Variants in FNDC5 observed in about 807,000 individuals in gnomAD.
FNDC5 encodes the protein fibronectin type III domain containing 5.
A neutral mutation model predicts 24.6 loss-of-function variants in FNDC5; 10 were observed. The observed-to-expected ratio is 0.41, with a 90% CI of 0.25 to 0.69. The LOEUF (loss-of-function observed/expected upper bound fraction) is 0.69, where lower values mean the gene tolerates loss of function less well. Ranked by LOEUF, FNDC5 falls within the 30% of genes least tolerant of loss-of-function variation. FNDC5 has a pLI of 0.34. For synonymous variants in FNDC5, 90 were observed against 110.7 expected, an observed-to-expected ratio of 0.81 and a Z score of 1.18; for missense variants, 226 against 282.9, an observed-to-expected ratio of 0.80 and a Z score of 1.44.
rs924993795 is a variant in FNDC5 at position 32,863,942 on chromosome 1, C to G, written c.*352G>C. On this transcript the variant is annotated 3_prime_UTR_variant, in exon 6 of 6. Transcript: ENST00000373471. ...GAAAAGAGAAGCCCTGCCTGGATGT[C>G]TTGTCTTTTTGCCTTTTCAAACCCA... 9.4e-6 allele frequency: 12 copies of G among 1,276,280 alleles called. No homozygotes were observed. Among genetic ancestry groups the G allele is most frequent in the Non-Finnish European group, 1.2e-5 (12 of 991,736 alleles). 79.1% of individuals were successfully genotyped at this position (1,276,280 alleles called of 1,614,324 possible).
chr1:32,868,178 A>G lies in FNDC5; in HGVS notation c.409+12T>C. On this transcript the variant is annotated intron_variant, in intron 3 of 5. Coordinates refer to ENST00000373471, the MANE Select transcript of FNDC5 (RefSeq NM_153756.3). The surrounding 1 kb of genome is among the most constrained non-coding windows in gnomAD (Gnocchi z 4.8). ...CCCCACCCCATTCCTCTTAACAGTG[A>G]CCCGGGCCTGCCTTTGTTCTTGGAG... 6.2e-7 allele frequency: 1 copy of G among 1,613,340 alleles called. No individual in the cohort carries two copies. Among genetic ancestry groups the G allele is most frequent in the African/African-American group, 1.3e-5 (1 of 74,930 alleles).
At position 32,864,285 on chromosome 1, in the gene FNDC5, A is replaced by G. The variant is rs765051347; in HGVS notation, c.*9T>C. 2.5e-6 allele frequency: 4 copies of G among 1,614,042 alleles called. No homozygotes were observed. The highest frequency in any genetic ancestry group is 1.7e-5 in the Admixed American group (1 of 59,990). ...TCTTAGCTGCTGAGGGCAAGCACTG[A>G]AAAGGTTTTCATATCTGTTTTACAG... On this transcript the variant is annotated 3_prime_UTR_variant, in exon 6 of 6. Transcript: ENST00000373471.
At chr1:32,864,571 A>G (rs761061713) in intron 5 of FNDC5, 93 bp downstream of exon 5, 1 of 1,588,112 alleles carries the variant, frequency 6.3e-7, no homozygotes, top group Non-Finnish European at 8.6e-7. Context: ...AGCTGTCGCC[A>G]TGCCAGTCCC....
intron 5 of FNDC5, 73 bp downstream of exon 5, chr1:32,864,591 C>CA (rs1641034007): frequency 6.2e-7 from 1 of 1,604,882 alleles, no homozygotes; most frequent in African/African-American, 1.3e-5. Flanking sequence ...CCGAGCTGAC[C>CA]CCCTCTGCAG....
rs1168031346 is a variant in FNDC5 at position 32,870,668 on chromosome 1, C to T, written c.79G>A (p.Ala27Thr). Residue 27 changes from alanine (A) to threonine (T), a missense_variant, in exon 1 of 6, where the codon GCG becomes ACG. Physicochemically the swap from Ala to Thr is moderately conservative, Grantham distance 58. Coordinates refer to ENST00000373471, the MANE Select transcript of FNDC5 (RefSeq NM_153756.3). ...GCCCCCTTACCCGCCTGCACCAGCG[C>T]GAAGCAGACGCAGCCCAGCCACAGG... 1 of 1,207,518 alleles carries T rather than the reference C, an allele frequency of 8.3e-7. No individual in the cohort carries two copies. Among genetic ancestry groups the T allele is most frequent in the Non-Finnish European group, 1.0e-6 (1 of 972,200 alleles). The allele number at this position is 1,207,518 out of a possible 1,614,324, so 74.8% of individuals were successfully genotyped here.
chr1:32,864,019 C>A lies in FNDC5; in HGVS notation c.*275G>T, dbSNP rs1389400496. 7.3e-7 allele frequency: 1 copy of A among 1,376,530 alleles called. No individual in the cohort carries two copies. The allele number at this position is 1,376,530 out of a possible 1,614,324, so 85.3% of individuals were successfully genotyped here. ...CCAAGACTGGGTCCTGGGCCCATGG[C>A]CCCTGGCACCCAGTCTACCCCCAGC... On this transcript the variant is annotated 3_prime_UTR_variant, in exon 6 of 6. Transcript: ENST00000373471.
Position 32,863,849 on chromosome 1 carries a change from CAGA to C in FNDC5, c.*442_*444del, listed in dbSNP as rs1182269738. ...CCTTCTTGCAAGGCTGGAAACAGGACAGAAGAAGGAAGGGAGCAGCAGCAGGGC... is the reference window on the plus strand; with the variant it reads ...CCTTCTTGCAAGGCTGGAAACAGGACAGAAGGAAGGGAGCAGCAGCAGGGC... On this transcript the variant is annotated 3_prime_UTR_variant, in exon 6 of 6. Transcript: ENST00000373471. 3 of 1,306,720 alleles carry C rather than the reference CAGA, an allele frequency of 2.3e-6. No individual in the cohort carries two copies. The highest frequency in any genetic ancestry group is 1.2e-5 in the South Asian group (1 of 81,046). 80.9% of individuals were successfully genotyped at this position (1,306,720 alleles called of 1,614,324 possible).
intron 4 of FNDC5, among the ~76,000 whole-genome samples, chr1:32,866,625 T>C (rs566981666): frequency 1.3e-5 from 2 of 152,298 alleles, no homozygotes; most frequent in African/African-American, 4.8e-5. Flanking sequence ...CCCACAGTTA[T>C]TCCCTCTCCT....
Position 32,867,810 on chromosome 1 carries a change from G to T in FNDC5, c.442C>A (p.Gln148Lys), listed in dbSNP as rs1361981330. ...AGCACCTCGCCTGTCCGCAGCTGTTGGTTCCTCCCCATCTCTTTCATGGTT... is the reference window on the plus strand; with the variant it reads ...AGCACCTCGCCTGTCCGCAGCTGTTTGTTCCTCCCCATCTCTTTCATGGTT... The change falls in exon 4 of 6, where the codon CAA becomes AAA. Residue 148 changes from glutamine to lysine, a missense_variant. Physicochemically the swap from Gln to Lys is moderately conservative, Grantham distance 53 (BLOSUM62 1). Transcript: ENST00000373471. The T allele has an allele frequency of 6.8e-6, 11 of 1,613,908 alleles. No homozygotes were observed. Among genetic ancestry groups the T allele is most frequent in the African/African-American group, 1.3e-5 (1 of 74,856 alleles).
Position 32,870,647 on chromosome 1 carries a change from C to A in FNDC5, c.94+6G>T. 2 of 1,207,502 alleles carry A rather than the reference C, an allele frequency of 1.7e-6. No individual in the cohort carries two copies. The highest frequency in any genetic ancestry group is 2.1e-6 in the Non-Finnish European group (2 of 972,106). The allele number at this position is 1,207,502 out of a possible 1,614,324, so 74.8% of individuals were successfully genotyped here. On this transcript the variant is annotated splice_donor_region_variant and intron_variant, in intron 1 of 5. Transcript: ENST00000373471. Reference sequence around the variant, plus strand: ...GGCGCCGGCCCCCCGCCCCGGGCCCCCTTACCCGCCTGCACCAGCGCGAAG... The same window carrying A: ...GGCGCCGGCCCCCCGCCCCGGGCCCACTTACCCGCCTGCACCAGCGCGAAG...
chr1:32,862,565 G>A lies in FNDC5; in HGVS notation c.*1729C>T, dbSNP rs1640987562. The stretch of plus-strand genomic sequence containing the variant: ...GACCGGAAGGAAGGGGCGGTCATTG[G>A]GTGATGGCTTCTGGCTCTCTGGCTT... On this transcript the variant is annotated 3_prime_UTR_variant, in exon 6 of 6. Transcript: ENST00000373471. 1 of 152,694 alleles carries A rather than the reference G, an allele frequency of 6.5e-6. No individual in the cohort carries two copies. The highest frequency in any genetic ancestry group is 1.5e-5 in the Non-Finnish European group (1 of 68,082). 9.5% of individuals were successfully genotyped at this position (152,694 alleles called of 1,614,324 possible).
In FNDC5 at chr1:32,868,481, A is replaced by C; in HGVS notation, c.211-93T>G. 1 of 1,273,744 alleles carries C rather than the reference A, an allele frequency of 7.9e-7. No individual in the cohort carries two copies. Among genetic ancestry groups the C allele is most frequent in the Non-Finnish European group, 1.1e-6 (1 of 920,284 alleles). The allele number at this position is 1,273,744 out of a possible 1,614,324, so 78.9% of individuals were successfully genotyped here. On this transcript the variant is annotated intron_variant, in intron 2 of 5. Coordinates refer to ENST00000373471, the MANE Select transcript of FNDC5 (RefSeq NM_153756.3). The surrounding 1 kb of genome is among the most constrained non-coding windows in gnomAD (Gnocchi z 4.8). The stretch of plus-strand genomic sequence containing the variant: ...TGGTGACAAAGCCTTTACATACACA[A>C]TCTTCATCATTCCATCACCTCCGCT...
upstream of FNDC5, among the ~76,000 whole-genome samples, chr1:32,872,029 G>A (rs1641192273): frequency 6.6e-6 from 1 of 152,214 alleles, no homozygotes; most frequent in East Asian, 1.9e-4. Context: ...CCCTGGAAGG[G>A]CTAATTTTCT....
rs1641037495 is a variant in FNDC5, at chr1:32,864,721, C to T, written c.576G>A (p.Lys192=). 6.2e-7 allele frequency: 1 copy of T among 1,614,100 alleles called. No individual in the cohort carries two copies. The highest frequency in any genetic ancestry group is 1.3e-5 in the African/African-American group (1 of 74,942). The stretch of plus-strand genomic sequence containing the variant: ...CTGGTGTGCTGGTTTCTGATGCACT[C>T]TTGGTTTTTTCCTTGTTGTTATTGG... Residue 192 remains lysine, a synonymous_variant, in exon 5 of 6, where the codon AAG becomes AAA. Transcript: ENST00000373471.
At chr1:32,870,532 A>G (rs1641161301) in intron 1 of FNDC5, 121 bp downstream of exon 1, 1 of 455,660 alleles carries the variant, frequency 2.2e-6, no homozygotes, top group Non-Finnish European at 3.2e-6. Context: ...GGGTTAGGGG[A>G]GCAGTGTTTG....
At chr1:32,869,853 G>A (rs1417655831) in intron 1 of FNDC5, among the ~76,000 whole-genome samples, 7 of 152,040 alleles carry the variant, frequency 4.6e-5, no homozygotes, top group Admixed American at 6.6e-5. Flanking sequence ...GCAGAGCTGC[G>A]CCTGAGCAGC....
rs1255605341 is a variant in FNDC5, at chr1:32,863,814, TTG to T, written c.*478_*479del. 2.0e-5 allele frequency: 26 copies of T among 1,304,876 alleles called. No homozygotes were observed. The East Asian group carries it at 1.3e-3, about 67-fold the overall frequency. 80.8% of individuals were successfully genotyped at this position (1,304,876 alleles called of 1,614,324 possible). ...AAATGAGAGAAGCAGCCAGGCCTAATTGTGAATAGCCTTCTTGCAAGGCTGGA... is the reference window on the plus strand; with the variant it reads ...AAATGAGAGAAGCAGCCAGGCCTAATTGAATAGCCTTCTTGCAAGGCTGGA... On this transcript the variant is annotated 3_prime_UTR_variant, in exon 6 of 6. Transcript: ENST00000373471.
intron 3 of FNDC5, 85 bp from the exon 4 acceptor site, chr1:32,867,927 T>C: frequency 1.5e-6 from 2 of 1,339,418 alleles, no homozygotes; most frequent in Non-Finnish European, 1.1e-6. Context: ...ACAGTGCTGA[T>C]TTCTACAGGT....
chr1:32,864,350 G>C (rs948662769), intron 5 of FNDC5, 51 bp from the exon 6 acceptor site: 4 of 1,609,168 alleles, frequency 2.5e-6, no homozygotes, highest in Non-Finnish European at 2.5e-6. Flanking sequence ...ACCTGCCCAA[G>C]GTCACAAGGC....
Sources: gnomAD v4.1 joint callset for allele counts (sites outside exome capture counted in the v4.1 genomes callset) on GRCh38, gnomAD v4.1.1 for gene constraint, Gnocchi (gnomAD v3.1) non-coding constraint, MANE v1.5 for transcripts, NCBI Gene and HGNC (gene_info 2026-07-23, HGNC 2026-07-21) for gene names.